FBN2: variants seen among roughly 807,000 people sequenced by gnomAD.
FBN2 encodes the protein fibrillin-2.
FBN2 carries 105 observed loss-of-function variants against 355.6 expected under a neutral mutation model. That is an observed-to-expected ratio of 0.30 (90% CI 0.25 to 0.35). The LOEUF is 0.35. FBN2 is among the 10% of genes least tolerant of loss of function. FBN2 has a pLI of 1.00. For synonymous variants in FBN2, 1,350 were observed against 1,301.2 expected, an observed-to-expected ratio of 1.04 and a Z score of -0.81; for missense variants, 3,280 against 3,758.7, an observed-to-expected ratio of 0.87 and a Z score of 3.33.
At chr5:128,444,439 T>C (rs947973260) in intron 7 of FBN2, among the ~76,000 whole-genome samples, 1 of 152,240 alleles carries the variant, frequency 6.6e-6, no homozygotes, top group Non-Finnish European at 1.5e-5. Flanking sequence ...TTTTAAGAAA[T>C]ATTTAAATAA....
intron 5 of FBN2, among the ~76,000 whole-genome samples, chr5:128,468,439 A>G (rs1451741979): frequency 6.6e-6 from 1 of 152,212 alleles, no homozygotes; most frequent in Non-Finnish European, 1.5e-5. Flanking sequence ...TTCTCTTGGT[A>G]GTTATTTAAG....
At chr5:128,343,810 T>C (rs567797257) in intron 25 of FBN2, among the ~76,000 whole-genome samples, 25 of 152,384 alleles carry the variant, frequency 1.6e-4, no homozygotes, top group Middle Eastern at 6.8e-3. Context: ...AGTAGTCATA[T>C]ATTTTGAAAA....
chr5:128,487,502 T>C (rs1755370136), intron 5 of FBN2, among the ~76,000 whole-genome samples: 1 of 152,176 alleles, frequency 6.6e-6, no homozygotes, highest in African/African-American at 2.4e-5. Context: ...ACCTCTCTGT[T>C]TTCTTTGGGC....
In FBN2 at chr5:128,364,642, T is replaced by C; in HGVS notation, c.2386A>G (p.Asn796Asp). The change falls in exon 18 of 65, where the codon AAC (asparagine) becomes GAC (aspartate). Residue 796 changes from asparagine to aspartate, a missense_variant. This residue lies in a region of FBN2 where 2,284 missense variants were observed against 2,749.5 expected (regional missense o/e 0.83). Transcript: ENST00000262464. The part of the protein sequence containing the change: ...NLRGSYRCNC[N>D]SGYEPDASGR... ...GAGGCATCTGGTTCATAGCCACTGT[T>C]GCAATTACAACGGTAACTACCACGT... 1 of 1,613,716 alleles carries C rather than the reference T, an allele frequency of 6.2e-7. No individual in the cohort carries two copies. The highest frequency in any genetic ancestry group is 8.5e-7 in the Non-Finnish European group (1 of 1,179,690).
intron 2 of FBN2, among the ~76,000 whole-genome samples, chr5:128,534,960 G>A (rs1290321618): frequency 6.6e-6 from 1 of 152,166 alleles, no homozygotes; most frequent in Non-Finnish European, 1.5e-5. Context: ...GATGAGTGAC[G>A]TTAGCTGTTT....
rs1188075267 is a variant in FBN2 at position 128,530,693 on chromosome 5, G to A, written c.338C>T (p.Pro113Leu). ...ATCTCCACAACTATTTCTACAAATC[G>A]CTGTAGAAAGCACAATAGGAAAATG... ...TLPGGNQCIVPICRNSCGDGF... is the reference protein window; with the variant it reads ...TLPGGNQCIVLICRNSCGDGF... The change falls in exon 3 of 65, where the codon CCG becomes CTG. Residue 113 changes from proline (P) to leucine (L), a missense_variant and splice_region_variant. This residue lies in a region of FBN2 where 130 missense variants were observed against 189.9 expected (regional missense o/e 0.68). Transcript: ENST00000262464. 8 of 1,581,260 alleles carry A rather than the reference G, an allele frequency of 5.1e-6. No homozygotes were observed. The highest frequency in any genetic ancestry group is 1.7e-5 in the Admixed American group (1 of 59,894).
intron 56 of FBN2, 58 bp downstream of exon 56, chr5:128,280,134 T>C: frequency 7.0e-7 from 1 of 1,427,738 alleles, no homozygotes; most frequent in South Asian, 1.1e-5. Context: ...TCTTCTGTGA[T>C]GACATCATGA....
intron 7 of FBN2, among the ~76,000 whole-genome samples, chr5:128,438,910 A>T (rs1234014768): frequency 1.3e-5 from 2 of 152,142 alleles, no homozygotes; most frequent in South Asian, 2.1e-4. Context: ...CACCCCCAAC[A>T]ATATCCAATG....
intron 36 of FBN2, 75 bp from the exon 37 acceptor site, chr5:128,312,870 A>G: frequency 6.6e-7 from 1 of 1,525,464 alleles, no homozygotes; most frequent in Non-Finnish European, 9.0e-7. Context: ...AAAGTCACTC[A>G]AAGGATGAAA....
Position 128,280,255 on chromosome 5 carries a change from C to T in FBN2, c.7075G>A (p.Gly2359Arg). The T allele has an allele frequency of 6.2e-7, 1 of 1,611,686 alleles. No individual in the cohort carries two copies. The highest frequency in any genetic ancestry group is 8.5e-7 in the Non-Finnish European group (1 of 1,177,990). The change falls in exon 56 of 65, where the codon GGA becomes AGA. Residue 2359 changes from glycine to arginine, a missense_variant. By Grantham distance (125) the Gly-to-Arg change is moderately radical (BLOSUM62 -2). Coordinates refer to ENST00000262464, the MANE Select transcript of FBN2 (RefSeq NM_001999.4). The part of the protein sequence containing the change: ...CENGRCVNII[G>R]SYRCECNEGF... The stretch of plus-strand genomic sequence containing the variant: ...TCATTACACTCACATCTATAGCTTC[C>T]AATAATGTTAACACAACGTCCATTT...
chr5:128,334,118 G>A (rs1400517560), intron 31 of FBN2, among the ~76,000 whole-genome samples: 1 of 152,042 alleles, frequency 6.6e-6, no homozygotes, highest in Non-Finnish European at 1.5e-5. Flanking sequence ...CTAGTTAGTA[G>A]TAGTAGTAGA....
intron 19 of FBN2, among the ~76,000 whole-genome samples, chr5:128,359,717 A>G (rs937494417): frequency 2.0e-5 from 3 of 152,000 alleles, no homozygotes; most frequent in Non-Finnish European, 2.9e-5. Flanking sequence ...TCTAACCCTC[A>G]CTGTTGCCTG....
rs61333538 is a variant in FBN2, at chr5:128,327,572, AT to A, written c.4471+1123del. On this transcript the variant is annotated intron_variant, in intron 34 of 64. Transcript: ENST00000262464. ...TATCATTTTTGCTCAGCAGTTAGGT[AT>A]TTTTTTTTTTTTCATGAGGCTGCAT... Among the ~76,000 whole-genome samples, 972 of 138,160 alleles carry A rather than the reference AT, an allele frequency of 7.0e-3. 9 individuals carry two copies. Among genetic ancestry groups the A allele is most frequent in the African/African-American group, 0.023 (859 of 36,594 alleles). The allele number at this position is 138,160 out of a possible 152,430, so 90.6% of individuals were successfully genotyped here.
chr5:128,286,607 A>G, intron 55 of FBN2, 111 bp downstream of exon 55: 5 of 1,304,192 alleles, frequency 3.8e-6, no homozygotes, highest in Non-Finnish European at 5.6e-6. Flanking sequence ...CACTGCCTTA[A>G]CACAGCTGGA....
At chr5:128,440,350 A>T (rs1041008581) in intron 7 of FBN2, among the ~76,000 whole-genome samples, 11 of 152,202 alleles carry the variant, frequency 7.2e-5, no homozygotes, top group African/African-American at 2.7e-4. Flanking sequence ...TTATTGGCTC[A>T]TGGTTCTGCA....
intron 6 of FBN2, among the ~76,000 whole-genome samples, chr5:128,455,990 CA>C (rs70997371): frequency 0.032 from 808 of 25,038 alleles, no homozygotes; most frequent in East Asian, 0.055. Context: ...GGGTTAGCAA[CA>C]AAAAAAAAAA....
chr5:128,530,931 T>C (rs79224046), intron 2 of FBN2, among the ~76,000 whole-genome samples: 1 of 152,246 alleles, frequency 6.6e-6, no homozygotes, highest in Non-Finnish European at 1.5e-5. Context: ...CATAATCCTT[T>C]AAGGAATCTC....
chr5:128,387,903 T>C (rs934787100), intron 11 of FBN2, among the ~76,000 whole-genome samples: 1 of 152,126 alleles, frequency 6.6e-6, no homozygotes, highest in African/African-American at 2.4e-5. Flanking sequence ...TCTTTGTTAG[T>C]TTCCTGCCTT....
intron 5 of FBN2, among the ~76,000 whole-genome samples, chr5:128,503,919 T>C (rs1188626831): frequency 6.6e-6 from 1 of 151,826 alleles, no homozygotes; most frequent in African/African-American, 2.4e-5. Flanking sequence ...GAGGAAAAAA[T>C]GGTTTCCTGG....
Sources: allele counts gnomAD v4.1 joint callset (sites outside exome capture counted in the v4.1 genomes callset), GRCh38; gene constraint gnomAD v4.1.1; regional missense constraint gnomAD v4.1.1; transcripts MANE v1.5; gene names NCBI Gene and HGNC (gene_info 2026-07-23, HGNC 2026-07-21).